The following OVCH1 variants were observed in gnomAD, a reference collection of about 807,000 sequenced individuals.
The protein encoded by OVCH1 is ovochymase-1.
OVCH1 carries 139 observed loss-of-function variants against 138.4 expected under a neutral mutation model. The observed-to-expected ratio is 1.00, with a 90% CI of 0.87 to 1.16. The LOEUF (loss-of-function observed/expected upper bound fraction) is 1.16, where lower values mean the gene tolerates loss of function less well. OVCH1 is among the 50% of genes most tolerant of loss of function. The pLI is 0.00. For synonymous variants in OVCH1, 453 were observed against 467.8 expected (o/e 0.97, Z 0.41); for missense variants, 1,367 against 1,357.9 (o/e 1.01, Z -0.11).
chr12:29,447,780 C>T (rs1419013984), intron 22 of OVCH1, among the ~76,000 whole-genome samples: 1 of 152,044 alleles, frequency 6.6e-6, no homozygotes, highest in African/African-American at 2.4e-5. Flanking sequence ...ATGTAATAGA[C>T]AATGACTGTG....
chr12:29,466,590 T>C (rs1592077546), intron 16 of OVCH1, among the ~76,000 whole-genome samples: 1 of 152,302 alleles, frequency 6.6e-6, no homozygotes, highest in Admixed American at 6.5e-5. Flanking sequence ...TGATTACTTT[T>C]AGGGGAGTGA....
chr12:29,477,303 G>T (rs1415177529), intron 11 of OVCH1, 38 bp downstream of exon 11: 1 of 1,613,370 alleles, frequency 6.2e-7, no homozygotes, highest in Non-Finnish European at 8.5e-7. Flanking sequence ...CCCACATCAA[G>T]GGAAAATGGC....
intron 16 of OVCH1, among the ~76,000 whole-genome samples, chr12:29,468,570 A>C (rs1942395930): frequency 6.6e-6 from 1 of 152,154 alleles, no homozygotes; most frequent in South Asian, 2.1e-4. Context: ...CTCAATACTA[A>C]TATTTTCTTT....
exon 23 of OVCH1, chr12:29,445,356 C>T (rs1238399130): frequency 1.9e-6 from 3 of 1,611,344 alleles, no homozygotes; most frequent in Admixed American, 1.7e-5. Context: ...ACCAGCGGTC[C>T]AGGACTCATG....
intron 25 of OVCH1, among the ~76,000 whole-genome samples, chr12:29,443,066 G>C (rs962193569): frequency 6.6e-6 from 1 of 151,952 alleles, no homozygotes; most frequent in African/African-American, 2.4e-5. Context: ...TAATTTTCTT[G>C]TGTTTTTGTC....
At chr12:29,485,181 G>A (rs1003249144) in intron 8 of OVCH1, among the ~76,000 whole-genome samples, 1 of 151,912 alleles carries the variant, frequency 6.6e-6, no homozygotes, top group African/African-American at 2.4e-5. Flanking sequence ...GACCAAGCCT[G>A]GCCAACATTA....
At chr12:29,417,012 C>A (rs1023459769) in intron 3 of OVCH1, among the ~76,000 whole-genome samples, 1 of 152,182 alleles carries the variant, frequency 6.6e-6, no homozygotes, top group Admixed American at 6.5e-5. Flanking sequence ...AACTATTGAA[C>A]AAGCACAGTA....
intron 9 of OVCH1, chr12:29,477,719 T>C: frequency 2.0e-6 from 2 of 976,492 alleles, no homozygotes; most frequent in Non-Finnish European, 3.0e-6. Flanking sequence ...AACTCAAAAT[T>C]CAGCTCTCTG....
chr12:29,427,271 TCTGTCAAGCAGTG>T (rs1941195587), downstream of OVCH1, among the ~76,000 whole-genome samples: 1 of 152,162 alleles, frequency 6.6e-6, no homozygotes. Context: ...TCAAATATTT[TCTGTCAAGCAGTG>T]CTTTAGACAT....
intron 26 of OVCH1, among the ~76,000 whole-genome samples, chr12:29,434,114 C>T (rs948060287): frequency 2.0e-5 from 3 of 152,020 alleles, no homozygotes; most frequent in Non-Finnish European, 2.9e-5. Context: ...ACGGACAAAG[C>T]GTATCTTTCA....
At chr12:29,488,849 C>A (rs1483211042) in intron 6 of OVCH1, among the ~76,000 whole-genome samples, 1 of 152,064 alleles carries the variant, frequency 6.6e-6, no homozygotes, top group Admixed American at 6.6e-5. Flanking sequence ...GGAAAAAGCA[C>A]CTTTAGCCTA....
Position 29,451,734 on chromosome 12 carries a change from CTT to C in OVCH1, c.2531-167_2531-166del, listed in dbSNP as rs1478608570. Reference sequence around the variant, plus strand: ...TAGAAAACCATTCTATTTAATGTGTCTTATTTTCTTGAAATGATATTATAGAG... The same window carrying C: ...TAGAAAACCATTCTATTTAATGTGTCATTTTCTTGAAATGATATTATAGAG... On this transcript the variant is annotated intron_variant, in intron 21 of 27. Coordinates refer to ENST00000318184, the Ensembl canonical transcript of OVCH1. 1.3e-4 allele frequency among the ~76,000 whole-genome samples: 20 copies of C among 152,228 alleles called. No homozygotes were observed. In the South Asian group the frequency reaches 2.9e-3, roughly 22 times the overall value.
At chr12:29,402,935 T>G in the OVCH1 span, among the ~76,000 whole-genome samples, 7 of 152,218 alleles carry the variant, frequency 4.6e-5, no homozygotes, top group Non-Finnish European at 8.8e-5. Flanking sequence ...TGTGCTCATA[T>G]TTGACTTCCA....
chr12:29,412,272 G>T (rs1940969740), downstream of OVCH1, among the ~76,000 whole-genome samples: 1 of 152,134 alleles, frequency 6.6e-6, no homozygotes, highest in African/African-American at 2.4e-5. Context: ...GTGAGGCAAT[G>T]CCTCACTCTG....
chr12:29,468,484 G>A (rs765779697), intron 16 of OVCH1, among the ~76,000 whole-genome samples: 7 of 152,048 alleles, frequency 4.6e-5, no homozygotes, highest in Admixed American at 1.3e-4. Context: ...AGGCGTCATG[G>A]CTCATCACAT....
chr12:29,417,288 C>T (rs969169915), intron 3 of OVCH1, among the ~76,000 whole-genome samples: 6 of 151,342 alleles, frequency 4.0e-5, no homozygotes, highest in African/African-American at 1.5e-4. Context: ...ATGGTGAAAC[C>T]CCATCTCTAC....
chr12:29,487,190 T>G (rs1592111607), intron 7 of OVCH1: 1 of 200,250 alleles, frequency 5.0e-6, no homozygotes, highest in South Asian at 8.1e-5. Flanking sequence ...TCTCTCAGGC[T>G]TCTTTCATTC....
intron 16 of OVCH1, 62 bp from the exon 17 acceptor site, chr12:29,465,281 C>T (rs1306694498): frequency 7.2e-7 from 1 of 1,381,518 alleles, no homozygotes; most frequent in East Asian, 2.5e-5. Context: ...TTTGTTCTCA[C>T]ACTGCTATAA....
At chr12:29,443,429 G>A in exon 25 of OVCH1, 1 of 1,611,380 alleles carries the variant, frequency 6.2e-7, no homozygotes, top group Non-Finnish European at 8.5e-7. Flanking sequence ...AAAAGTTGTT[G>A]GCTTCATCGG....
Sources: allele counts gnomAD v4.1 joint callset (sites outside exome capture counted in the v4.1 genomes callset), GRCh38; gene constraint gnomAD v4.1.1; transcripts MANE v1.5; gene names NCBI Gene and HGNC (gene_info 2026-07-23, HGNC 2026-07-21).